The following TRPC5 variants were observed in gnomAD, a reference collection of about 807,000 sequenced individuals.
TRPC5 encodes short transient receptor potential channel 5.
In TRPC5, 9 loss-of-function variants were observed where a neutral mutation model predicts 56.5. The observed-to-expected ratio is 0.16, with a 90% CI of 0.10 to 0.28. TRPC5 has a LOEUF of 0.28. Ranked by LOEUF, TRPC5 falls within the 10% of genes least tolerant of loss-of-function variation. TRPC5 has a pLI of 1.00. For missense variants in TRPC5, 469 were observed against 748.9 expected (o/e 0.63, Z 4.36); for synonymous variants, 282 against 278.5 (o/e 1.01, Z -0.13).
At chrX:111,922,166 G>A (rs964088520) in intron 2 of TRPC5, among the ~76,000 whole-genome samples, 13 of 111,930 alleles carry the variant, frequency 1.2e-4, no homozygotes, top group African/African-American at 4.2e-4. Flanking sequence ...GCTAATTGGA[G>A]TTTTTCTGAA....
chrX:111,839,739 A>C (rs751684872), intron 6 of TRPC5, among the ~76,000 whole-genome samples: 4 of 110,719 alleles, frequency 3.6e-5, no homozygotes, highest in Non-Finnish European at 7.6e-5. Context: ...TTTTTAGAGA[A>C]AATATCTCAC....
In TRPC5 at chrX:111,912,682, C is replaced by T. The variant is rs759502577; in HGVS notation, c.509G>A (p.Arg170Gln). Residue 170 changes from arginine to glutamine, a missense_variant, in exon 3 of 11, where the codon CGG (arginine) becomes CAG (glutamine). Around this residue, in one of 3 missense-constraint regions of TRPC5, gnomAD observed 118 missense variants for 167.1 expected, o/e 0.71. Transcript: ENST00000262839. ...LLVQKRVTIP[R>Q]PHQIRCNCVE... ...ACAGTTGCAGCGGATCTGGTGGGGC[C>T]GTGGGATAGTGACCCGTTTTTGGAC... 1.2e-5 allele frequency: 14 copies of T among 1,210,793 alleles called. No homozygotes were observed. Among genetic ancestry groups the T allele is most frequent in the Non-Finnish European group, 1.6e-5 (14 of 895,428 alleles).
At chrX:111,860,486 G>A (rs771724274) in intron 3 of TRPC5, among the ~76,000 whole-genome samples, 4 of 111,790 alleles carry the variant, frequency 3.6e-5, no homozygotes, top group Non-Finnish European at 5.6e-5. Flanking sequence ...TTTTGTTGTT[G>A]TTATGAGTAA....
At chrX:111,809,878 T>C (rs1204965037) in intron 7 of TRPC5, among the ~76,000 whole-genome samples, 1 of 108,479 alleles carries the variant, frequency 9.2e-6, no homozygotes, top group African/African-American at 3.5e-5. Flanking sequence ...GTAGTCTTCA[T>C]TTTGTTTTTT....
At chrX:111,827,582 C>A (rs760488522) in intron 7 of TRPC5, among the ~76,000 whole-genome samples, 18 of 111,745 alleles carry the variant, frequency 1.6e-4, no homozygotes, top group Non-Finnish European at 2.8e-4. Flanking sequence ...TCACTACTGT[C>A]TTTTGCTCAC....
rs1419274951 is a variant in TRPC5 at position 111,937,868 on chromosome X, T to C, written c.378+14175A>G. Among the ~76,000 whole-genome samples the C allele has an allele frequency of 3.7e-5, 4 of 106,916 alleles. No individual in the cohort carries two copies. In the Admixed American group the frequency reaches 4.1e-4, roughly 11 times the overall value. The allele number at this position is 106,916 out of a possible 115,157, so 92.8% of individuals were successfully genotyped here. A position where few individuals can be genotyped will look rare whatever the true frequency, so the allele number is the denominator to read the frequency against. On this transcript the variant is annotated intron_variant, in intron 2 of 10. Coordinates refer to ENST00000262839, the MANE Select transcript of TRPC5 (RefSeq NM_012471.3). ...CCATATGAACTTTAAAGTAGTTTTT[T>C]CCAATTCTGCGAAGAAAGTCATTGG...
At chrX:112,030,951 T>A (rs1235692003) in intron 1 of TRPC5, among the ~76,000 whole-genome samples, 1 of 111,393 alleles carries the variant, frequency 9.0e-6, no homozygotes, top group Non-Finnish European at 1.9e-5. Flanking sequence ...TACATCTACA[T>A]GTAACAGAAG....
At chrX:111,787,540 A>G (rs1945977378) in intron 7 of TRPC5, among the ~76,000 whole-genome samples, 1 of 109,260 alleles carries the variant, frequency 9.2e-6, no homozygotes, top group Admixed American at 9.8e-5. Flanking sequence ...AGCAGAAGGC[A>G]AGAAATAACT....
In TRPC5 at chrX:111,830,876, C is replaced by T. The variant is rs183302692; in HGVS notation, c.1896+4045G>A. 7.1e-5 allele frequency among the ~76,000 whole-genome samples: 8 copies of T among 112,607 alleles called. 1 individual carries two copies. Among genetic ancestry groups the T allele is most frequent in the Admixed American group, 1.9e-4 (2 of 10,640 alleles). Reference sequence around the variant, plus strand: ...TGGAGAAAACAGTGCTTCTAAGACTCATGTGATTAGATTAGGCCTACCTGG... The same window carrying T: ...TGGAGAAAACAGTGCTTCTAAGACTTATGTGATTAGATTAGGCCTACCTGG... On this transcript the variant is annotated intron_variant, in intron 7 of 10. Coordinates refer to ENST00000262839, the MANE Select transcript of TRPC5 (RefSeq NM_012471.3).
At chrX:111,899,187 G>A (rs1434377621) in intron 3 of TRPC5, among the ~76,000 whole-genome samples, 2 of 110,727 alleles carry the variant, frequency 1.8e-5, no homozygotes, top group East Asian at 5.7e-4. Context: ...GTTAAGGCAA[G>A]GTCACTAATT....
intron 1 of TRPC5, among the ~76,000 whole-genome samples, chrX:112,024,379 A>T (rs1016185342): frequency 8.9e-6 from 1 of 111,859 alleles, no homozygotes; most frequent in Non-Finnish European, 1.9e-5. Flanking sequence ...CCCTTCTGAG[A>T]GTAAGAGGGG....
At chrX:111,938,481 G>T (rs1275516057) in intron 2 of TRPC5, among the ~76,000 whole-genome samples, 3 of 111,283 alleles carry the variant, frequency 2.7e-5, no homozygotes, top group African/African-American at 6.6e-5. Context: ...TTGGCTGCAG[G>T]TTTGTCACAG....
chrX:112,069,000 A>C (rs1930654129), intron 1 of TRPC5, among the ~76,000 whole-genome samples: 1 of 111,901 alleles, frequency 8.9e-6, no homozygotes, highest in East Asian at 2.8e-4. Flanking sequence ...ATGACTCATA[A>C]GTGTCAGAGC....
chrX:111,864,775 T>C (rs755421873), intron 3 of TRPC5, among the ~76,000 whole-genome samples: 1 of 112,319 alleles, frequency 8.9e-6, no homozygotes, highest in African/African-American at 3.2e-5. Flanking sequence ...ATTTCCGGAA[T>C]TGTGAAAGTT....
In TRPC5 at chrX:111,847,114, G is replaced by A. The variant is rs1264510317; in HGVS notation, c.1700C>T (p.Thr567Met). The change falls in exon 6 of 11, where the codon ACG (threonine) becomes ATG (methionine). Residue 567 changes from threonine (T) to methionine (M), a missense_variant and splice_region_variant. Coordinates refer to ENST00000262839, the MANE Select transcript of TRPC5 (RefSeq NM_012471.3). The stretch of plus-strand genomic sequence containing the variant: ...AATAAAGGAAAGGGGATCGTCTTAC[G>A]TGGAGAAGGCATTGTTCTGTTTCTC... ...RCEKQNNAFS[T>M]LFETLQSLFW... The A allele has an allele frequency of 8.3e-7, 1 of 1,204,882 alleles. No homozygotes were observed. The highest frequency in any genetic ancestry group is 1.1e-6 in the Non-Finnish European group (1 of 891,215).
intron 7 of TRPC5, among the ~76,000 whole-genome samples, chrX:111,800,170 A>G (rs1424451315): frequency 9.0e-6 from 1 of 110,750 alleles, no homozygotes; most frequent in East Asian, 2.8e-4. Flanking sequence ...TGTCTCTGCT[A>G]CCCCTAAGAC....
At chrX:111,944,520 A>G (rs1335593002) in intron 2 of TRPC5, among the ~76,000 whole-genome samples, 1 of 110,838 alleles carries the variant, frequency 9.0e-6, no homozygotes, top group Non-Finnish European at 1.9e-5. Flanking sequence ...GTGTCCCCCA[A>G]AAGATATATT....
intron 7 of TRPC5, among the ~76,000 whole-genome samples, chrX:111,789,529 C>A (rs1271424114): frequency 8.9e-6 from 1 of 111,861 alleles, no homozygotes; most frequent in Non-Finnish European, 1.9e-5. Flanking sequence ...ACTAAAACAC[C>A]AAAAGCAATG....
intron 3 of TRPC5, among the ~76,000 whole-genome samples, chrX:111,911,201 G>A (rs1394810438): frequency 8.9e-6 from 1 of 111,855 alleles, no homozygotes; most frequent in Non-Finnish European, 1.9e-5. Flanking sequence ...GATCCATGAA[G>A]GAATGGCACT....
Sources: gnomAD v4.1 joint callset for allele counts (sites outside exome capture counted in the v4.1 genomes callset) on GRCh38, gnomAD v4.1.1 for gene constraint, gnomAD v4.1.1 regional missense constraint, MANE v1.5 for transcripts, NCBI Gene and HGNC (gene_info 2026-07-23, HGNC 2026-07-21) for gene names.